The following PPM1D variants were observed in gnomAD, a reference collection of about 807,000 sequenced individuals.
PPM1D encodes the protein protein phosphatase 1D.
Under a neutral mutation model 58.3 loss-of-function variants are expected in PPM1D, and 52 were observed. The observed-to-expected ratio is 0.89, with a 90% confidence interval of 0.71 to 1.12. PPM1D has a LOEUF of 1.12. Among genes scored for constraint, PPM1D ranks in the 50% most tolerant of loss-of-function variants. PPM1D has a pLI of 0.00. For synonymous variants in PPM1D, 278 were observed against 285.1 expected (o/e 0.98, Z 0.25); for missense variants, 564 against 777.2 (o/e 0.73, Z 3.26).
intron 2 of PPM1D, among the ~76,000 whole-genome samples, chr17:60,624,188 C>T (rs990664786): frequency 6.6e-6 from 1 of 152,034 alleles, no homozygotes; most frequent in African/African-American, 2.4e-5. Flanking sequence ...TTGAACTTAG[C>T]GTTTCAATGT....
intron 1 of PPM1D, among the ~76,000 whole-genome samples, chr17:60,608,620 A>C (rs1347130763): frequency 1.3e-5 from 2 of 152,044 alleles, no homozygotes; most frequent in African/African-American, 4.8e-5. Flanking sequence ...AAATAATAAA[A>C]CATTACCAGT....
At position 60,666,223 on chromosome 17, in the gene PPM1D, T is replaced by TA; in HGVS notation, c.*2672dup. The TA allele has an allele frequency of 6.6e-6, 1 of 152,332 alleles. No individual in the cohort carries two copies. The highest frequency in any genetic ancestry group is 1.9e-4 in the East Asian group (1 of 5,194). The allele number at this position is 152,332 out of a possible 1,614,324, so 9.4% of individuals were successfully genotyped here. Reference sequence around the variant, plus strand: ...CTTCCAGACATCTGGAAGATTGCTCTAGTGGAGTAAAACATCTTAATGTAT... The same window carrying TA: ...CTTCCAGACATCTGGAAGATTGCTCTAAGTGGAGTAAAACATCTTAATGTAT... On this transcript the variant is annotated 3_prime_UTR_variant, in exon 6 of 6. Coordinates refer to ENST00000305921, the MANE Select transcript of PPM1D (RefSeq NM_003620.4).
At chr17:60,613,248 C>A (rs2030497707) in intron 1 of PPM1D, among the ~76,000 whole-genome samples, 1 of 151,674 alleles carries the variant, frequency 6.6e-6, no homozygotes, top group Non-Finnish European at 1.5e-5. Context: ...AAAAAATTCT[C>A]AAAACTGAAT....
chr17:60,656,910 A>C (rs1296189417), intron 5 of PPM1D, 69 bp downstream of exon 5: 13 of 1,607,230 alleles, frequency 8.1e-6, no homozygotes, highest in Non-Finnish European at 1.1e-5. Flanking sequence ...GTCACCTGGA[A>C]ACAATTTTTA....
chr17:60,656,852 C>G lies in PPM1D; in HGVS notation c.1260+11C>G, dbSNP rs749533138. The G allele has an allele frequency of 1.2e-6, 2 of 1,613,676 alleles. No homozygotes were observed. The highest frequency in any genetic ancestry group is 2.2e-5 in the East Asian group (1 of 44,886). The stretch of plus-strand genomic sequence containing the variant: ...ACACCACCAGTCAAGGTATATAGTT[C>G]CATAGTTTTTAAGTTATGTTTTAAT... On this transcript the variant is annotated intron_variant, in intron 5 of 5. Coordinates refer to ENST00000305921, the MANE Select transcript of PPM1D (RefSeq NM_003620.4).
chr17:60,629,056 G>C (rs531448404), intron 2 of PPM1D, among the ~76,000 whole-genome samples: 1 of 152,142 alleles, frequency 6.6e-6, no homozygotes, highest in Admixed American at 6.6e-5. Context: ...CCCTTCTTTA[G>C]TGGGAAGATG....
chr17:60,655,244 TTA>T (rs984126068), intron 4 of PPM1D, among the ~76,000 whole-genome samples: 1 of 152,250 alleles, frequency 6.6e-6, no homozygotes, highest in Non-Finnish European at 1.5e-5. Context: ...GCAGAATCTC[TTA>T]TGTTAGAAGG....
intron 2 of PPM1D, among the ~76,000 whole-genome samples, chr17:60,631,567 A>C (rs911241456): frequency 4.6e-5 from 7 of 151,668 alleles, no homozygotes; most frequent in Non-Finnish European, 1.5e-5. Context: ...AGATCACACC[A>C]CTGCACTCCA....
intron 1 of PPM1D, among the ~76,000 whole-genome samples, chr17:60,615,905 T>C (rs548160094): frequency 6.6e-6 from 1 of 152,240 alleles, no homozygotes; most frequent in African/African-American, 2.4e-5. Flanking sequence ...CAGTGCACTA[T>C]AGCTTCTAAC....
chr17:60,627,498 T>C (rs905899582), intron 2 of PPM1D, among the ~76,000 whole-genome samples: 3 of 151,340 alleles, frequency 2.0e-5, no homozygotes, highest in African/African-American at 7.3e-5. Context: ...CTGGGCTCAC[T>C]GCAACCTCTG....
At chr17:60,655,863 G>A (rs1370707642) in intron 4 of PPM1D, among the ~76,000 whole-genome samples, 1 of 151,010 alleles carries the variant, frequency 6.6e-6, no homozygotes, top group Non-Finnish European at 1.5e-5. Context: ...CGTCGCGCCC[G>A]GCTAATTTTT....
At chr17:60,615,558 A>C (rs886728544) in intron 1 of PPM1D, among the ~76,000 whole-genome samples, 1 of 152,088 alleles carries the variant, frequency 6.6e-6, no homozygotes, top group Admixed American at 6.6e-5. Flanking sequence ...TAAAAATACC[A>C]GTTGCTTAAT....
At chr17:60,656,454 A>G in intron 4 of PPM1D, 145 bp from the exon 5 acceptor site, 1 of 806,780 alleles carries the variant, frequency 1.2e-6, no homozygotes, top group Non-Finnish European at 1.7e-6. Flanking sequence ...CTCTGTCTCA[A>G]AAAAAAAAAA....
At position 60,645,588 on chromosome 17, in the gene PPM1D, GTA is replaced by G. The variant is rs1189398312; in HGVS notation, c.827-2296_827-2295del. On this transcript the variant is annotated intron_variant, in intron 3 of 5. Transcript: ENST00000305921. ...TATATATATGTATATATATATGTGT[GTA>G]TATATATGTATATATATGTGTGTAT... Among the ~76,000 whole-genome samples, 478 of 132,134 alleles carry G rather than the reference GTA, an allele frequency of 3.6e-3. 4 individuals are homozygous for G. The highest frequency in any genetic ancestry group is 0.014 in the African/African-American group (440 of 31,812). 86.7% of individuals were successfully genotyped at this position (132,134 alleles called of 152,430 possible).
At chr17:60,645,574 A>ATATATATGTGTGTGTATATATATG (rs2031230362) in intron 3 of PPM1D, among the ~76,000 whole-genome samples, 1 of 127,922 alleles carries the variant, frequency 7.8e-6, no homozygotes, top group Admixed American at 7.8e-5. Flanking sequence ...ATATATATGT[A>ATATATATGTGTGTGTATATATATG]TATATATATG....
intron 4 of PPM1D, among the ~76,000 whole-genome samples, chr17:60,649,238 A>G (rs992230470): frequency 1.3e-5 from 2 of 152,064 alleles, no homozygotes; most frequent in Non-Finnish European, 2.9e-5. Context: ...AAACATTTTC[A>G]TCATCATCCC....
chr17:60,632,211 C>A (rs927090774), intron 2 of PPM1D, among the ~76,000 whole-genome samples: 2 of 149,968 alleles, frequency 1.3e-5, no homozygotes, highest in Non-Finnish European at 3.0e-5. Context: ...AAAAAAAAAA[C>A]CTAATCATAT....
At chr17:60,642,735 G>A (rs554291178) in intron 3 of PPM1D, among the ~76,000 whole-genome samples, 2 of 152,178 alleles carry the variant, frequency 1.3e-5, no homozygotes, top group South Asian at 4.2e-4. Flanking sequence ...GGGATTACAG[G>A]CGTGAGCCAC....
intron 3 of PPM1D, among the ~76,000 whole-genome samples, chr17:60,634,226 C>T (rs575269559): frequency 6.6e-6 from 1 of 152,252 alleles, no homozygotes; most frequent in East Asian, 1.9e-4. Flanking sequence ...GCCTAGCCAA[C>T]ATGGTGAAAC....
Sources: allele counts gnomAD v4.1 joint callset (sites outside exome capture counted in the v4.1 genomes callset), GRCh38; gene constraint gnomAD v4.1.1; transcripts MANE v1.5; gene names NCBI Gene and HGNC (gene_info 2026-07-23, HGNC 2026-07-21).